Variants in NUBPL observed in about 807,000 individuals in gnomAD.
NUBPL encodes the protein NUBP iron-sulfur cluster assembly factor, mitochondrial, also known as iron-sulfur cluster transfer protein NUBPL.
A neutral mutation model predicts 45.7 loss-of-function variants in NUBPL; 31 were observed. The observed-to-expected ratio is 0.68, with a 90% CI of 0.51 to 0.92. The LOEUF (loss-of-function observed/expected upper bound fraction) is 0.92. NUBPL is among the 40% of genes least tolerant of loss of function. The pLI is 0.00. For missense variants in NUBPL, 401 were observed against 398.7 expected (o/e 1.01, Z -0.05); for synonymous variants, 144 against 140.9 (o/e 1.02, Z -0.15).
intron 3 of NUBPL, among the ~76,000 whole-genome samples, chr14:31,584,070 C>T (rs1051580243): frequency 6.6e-6 from 1 of 152,090 alleles, no homozygotes. Flanking sequence ...CAGCCTTTAC[C>T]GTTTTACCTA....
intron 6 of NUBPL, among the ~76,000 whole-genome samples, chr14:31,770,963 T>C (rs1414491511): frequency 2.0e-5 from 3 of 152,206 alleles, no homozygotes; most frequent in Non-Finnish European, 4.4e-5. Flanking sequence ...ATAATATCTA[T>C]TGAGTCAGTT....
At chr14:31,787,405 A>T (rs2039303686) in intron 6 of NUBPL, among the ~76,000 whole-genome samples, 1 of 152,218 alleles carries the variant, frequency 6.6e-6, no homozygotes. Context: ...TTATATTAGC[A>T]TGGGAAATGC....
At chr14:31,822,265 A>G (rs530351217) in intron 7 of NUBPL, among the ~76,000 whole-genome samples, 2 of 152,270 alleles carry the variant, frequency 1.3e-5, no homozygotes, top group East Asian at 3.9e-4. Flanking sequence ...GTTATTACAC[A>G]TTGCATGCCT....
intron 4 of NUBPL, among the ~76,000 whole-genome samples, chr14:31,625,324 C>T (rs1307347079): frequency 2.0e-5 from 3 of 152,096 alleles, no homozygotes; most frequent in Admixed American, 2.0e-4. Flanking sequence ...GACATCTGAG[C>T]ACAACTTAAC....
chr14:31,818,802 C>T (rs190077641), intron 7 of NUBPL, among the ~76,000 whole-genome samples: 136 of 152,326 alleles, frequency 8.9e-4, no homozygotes, highest in African/African-American at 3.1e-3. Context: ...CCTGCCTCGG[C>T]CTCCCAAAGT....
intron 7 of NUBPL, among the ~76,000 whole-genome samples, chr14:31,806,224 A>C (rs1405094945): frequency 6.6e-6 from 1 of 152,192 alleles, no homozygotes. Flanking sequence ...CTCTGTCTCT[A>C]TTCCTTTATT....
At chr14:31,838,519 A>G (rs1163898843) in intron 8 of NUBPL, among the ~76,000 whole-genome samples, 3 of 152,198 alleles carry the variant, frequency 2.0e-5, no homozygotes, top group Non-Finnish European at 2.9e-5. Context: ...CAAATTCAAA[A>G]CAACACAAAA....
chr14:31,656,378 C>A (rs1430096977), intron 4 of NUBPL, among the ~76,000 whole-genome samples: 3 of 152,116 alleles, frequency 2.0e-5, no homozygotes, highest in Admixed American at 2.0e-4. Flanking sequence ...CACAACTTGG[C>A]TGTTTGGTTC....
At chr14:31,806,130 G>T (rs144826010) in intron 7 of NUBPL, among the ~76,000 whole-genome samples, 114 of 152,242 alleles carry the variant, frequency 7.5e-4, no homozygotes, top group African/African-American at 2.4e-3. Flanking sequence ...ATTTGATCAG[G>T]ATCTGAAATG....
At chr14:31,704,634 G>A (rs901138829) in intron 6 of NUBPL, among the ~76,000 whole-genome samples, 5 of 151,960 alleles carry the variant, frequency 3.3e-5, no homozygotes, top group African/African-American at 9.6e-5. Flanking sequence ...CTGCACTCCA[G>A]CTCTAGGCAA....
chr14:31,602,933 C>T lies in NUBPL; in HGVS notation c.382+3554C>T, dbSNP rs538160161. On this transcript the variant is annotated intron_variant, in intron 4 of 10. Coordinates refer to ENST00000281081, the MANE Select transcript of NUBPL (RefSeq NM_025152.3). ...ACTAGAAAGAAGTAATTTTTAAATA[C>T]CTCTTTAATGTTTACTGCTGTTGTT... Among the ~76,000 whole-genome samples, 4 of 152,136 alleles carry T rather than the reference C, an allele frequency of 2.6e-5. No homozygotes were observed. In the South Asian group the frequency reaches 8.3e-4, roughly 32 times the overall value.
chr14:31,579,189 A>G (rs898019181), intron 3 of NUBPL, among the ~76,000 whole-genome samples: 1 of 152,210 alleles, frequency 6.6e-6, no homozygotes, highest in African/African-American at 2.4e-5. Flanking sequence ...GCCAGTCACC[A>G]TGGAAACTGA....
intron 4 of NUBPL, among the ~76,000 whole-genome samples, chr14:31,634,737 C>G (rs2035440571): frequency 6.6e-6 from 1 of 151,864 alleles, no homozygotes; most frequent in Non-Finnish European, 1.5e-5. Flanking sequence ...TCTCCACATC[C>G]TCTCCAGCAC....
At chr14:31,831,430 A>G (rs1010939781) in intron 8 of NUBPL, among the ~76,000 whole-genome samples, 3 of 141,994 alleles carry the variant, frequency 2.1e-5, no homozygotes, top group Non-Finnish European at 4.7e-5. Context: ...ATTTGTCAGT[A>G]CTTTCACATT....
chr14:31,820,952 C>T (rs2040008413), intron 7 of NUBPL, among the ~76,000 whole-genome samples: 1 of 150,744 alleles, frequency 6.6e-6, no homozygotes, highest in Admixed American at 6.6e-5. Flanking sequence ...GAAACCCCAT[C>T]TCTACTAAAT....
intron 4 of NUBPL, among the ~76,000 whole-genome samples, chr14:31,666,270 T>TTA (rs1555326223): frequency 2.3e-5 from 3 of 130,470 alleles, no homozygotes; most frequent in Admixed American, 8.8e-5. Flanking sequence ...TATAATTTTA[T>TTA]TTTATTTTTT....
At chr14:31,570,502 A>G (rs1318183956) in intron 3 of NUBPL, among the ~76,000 whole-genome samples, 1 of 152,160 alleles carries the variant, frequency 6.6e-6, no homozygotes, top group Non-Finnish European at 1.5e-5. Context: ...TAAGTAGAGC[A>G]TTTTCATGAA....
At chr14:31,753,473 A>G (rs906060927) in intron 6 of NUBPL, among the ~76,000 whole-genome samples, 1 of 152,100 alleles carries the variant, frequency 6.6e-6, no homozygotes, top group African/African-American at 2.4e-5. Context: ...ACCTGGTGCC[A>G]GGATCATGGC....
intron 6 of NUBPL, among the ~76,000 whole-genome samples, chr14:31,739,226 ATATATAT>A (rs1414419831): frequency 7.0e-6 from 1 of 142,810 alleles, no homozygotes; most frequent in African/African-American, 2.6e-5. Flanking sequence ...TATTATATAT[ATATATAT>A]TATATTCTAT....
Sources: allele counts gnomAD v4.1 joint callset (sites outside exome capture counted in the v4.1 genomes callset), GRCh38; gene constraint gnomAD v4.1.1; transcripts MANE v1.5; gene names NCBI Gene and HGNC (gene_info 2026-07-23, HGNC 2026-07-21).